MOCOS: variants seen among roughly 807,000 people sequenced by gnomAD.
MOCOS encodes molybdenum cofactor sulfurase, also known as human molybdenum cofactor sulfurase.
In MOCOS, 86 loss-of-function variants were observed where a neutral mutation model predicts 83.6. The observed-to-expected ratio is 1.03, with a 90% confidence interval of 0.86 to 1.23. The LOEUF is 1.23. Among genes scored for constraint, MOCOS ranks in the 50% most tolerant of loss-of-function variants. The pLI is 0.00. For synonymous variants in MOCOS, 445 were observed against 434.7 expected (o/e 1.02, Z -0.29); for missense variants, 1,120 against 1,126.9 (o/e 0.99, Z 0.09).
intron 2 of MOCOS, among the ~76,000 whole-genome samples, chr18:36,197,873 GA>G (rs2091395876): frequency 6.6e-6 from 1 of 152,116 alleles, no homozygotes; most frequent in South Asian, 2.1e-4. Flanking sequence ...TCATTCCCCT[GA>G]AAAGATCCTT....
chr18:36,251,247 A>G lies in MOCOS; in HGVS notation c.2128A>G (p.Asn710Asp), dbSNP rs1832397631. 1 of 1,614,126 alleles carries G rather than the reference A, an allele frequency of 6.2e-7. No homozygotes were observed. Among genetic ancestry groups the G allele is most frequent in the Admixed American group, 1.7e-5 (1 of 60,014 alleles). ...TTGTCATTTGATCAAACAAAGTTCA[A>G]ACTCTCAAAGGAATGCAAAGAAGAA... ...RPCHLIKQSSNSQRNAKKKHG... is the reference protein window; with the variant it reads ...RPCHLIKQSSDSQRNAKKKHG... Residue 710 changes from asparagine to aspartate, a missense_variant, in exon 11 of 15, where the codon AAC becomes GAC. Transcript: ENST00000261326.
chr18:36,236,755 T>G (rs1268731045), intron 9 of MOCOS, among the ~76,000 whole-genome samples: 1 of 142,154 alleles, frequency 7.0e-6, no homozygotes, highest in South Asian at 2.2e-4. Flanking sequence ...TGATTCTTCC[T>G]ACCCATGAGC....
At position 36,195,054 on chromosome 18, in the gene MOCOS, C is replaced by T. The variant is rs372755031; in HGVS notation, c.143-203C>T. On this transcript the variant is annotated intron_variant, in intron 1 of 14. Coordinates refer to ENST00000261326, the MANE Select transcript of MOCOS (RefSeq NM_017947.4). Reference sequence around the variant, plus strand: ...GAAGAGAGCTGATTAATCAGGAGGGCTCTCTCAGTGCTTTAAAAGTCCTTC... The same window carrying T: ...GAAGAGAGCTGATTAATCAGGAGGGTTCTCTCAGTGCTTTAAAAGTCCTTC... 1.4e-3 allele frequency among the ~76,000 whole-genome samples: 216 copies of T among 152,280 alleles called. 2 individuals are homozygous for T. The highest frequency in any genetic ancestry group is 5.0e-3 in the African/African-American group (206 of 41,564).
In MOCOS at chr18:36,202,225, C is replaced by T. The variant is rs76494880; in HGVS notation, c.942-888C>T. 6.2e-3 allele frequency among the ~76,000 whole-genome samples: 946 copies of T among 152,208 alleles called. 6 individuals carry two copies. Among genetic ancestry groups the T allele is most frequent in the African/African-American group, 0.021 (864 of 41,522 alleles). On this transcript the variant is annotated intron_variant, in intron 4 of 14. Coordinates refer to ENST00000261326, the MANE Select transcript of MOCOS (RefSeq NM_017947.4). ...TTCTCAACTTTATTTTATAACTCAGCGAAGTACATCCCTTGACAGAAACAA... is the reference window on the plus strand; with the variant it reads ...TTCTCAACTTTATTTTATAACTCAGTGAAGTACATCCCTTGACAGAAACAA...
rs73946798 is a variant in MOCOS, at chr18:36,250,794, A to C, written c.2040-365A>C. On this transcript the variant is annotated intron_variant, in intron 10 of 14. Transcript: ENST00000261326. ...GAGAGAAGATATTTCAATCAGGCCCATAGTGAACAAATAGGACATATTTCT... is the reference window on the plus strand; with the variant it reads ...GAGAGAAGATATTTCAATCAGGCCCCTAGTGAACAAATAGGACATATTTCT... 5.5e-3 allele frequency among the ~76,000 whole-genome samples: 842 copies of C among 152,336 alleles called. 10 individuals are homozygous for C. Among genetic ancestry groups the C allele is most frequent in the African/African-American group, 0.018 (750 of 41,574 alleles).
At position 36,208,699 on chromosome 18, in the gene MOCOS, T is replaced by C. The variant is rs2091443222; in HGVS notation, c.1218+3423T>C. On this transcript the variant is annotated intron_variant, in intron 6 of 14. Coordinates refer to ENST00000261326, the MANE Select transcript of MOCOS (RefSeq NM_017947.4). ...AGTTCTAGGAGCCTTTGGGCAGAGA[T>C]TATGGGATTTTCCGGGTATAGAATC... 2.0e-5 allele frequency among the ~76,000 whole-genome samples: 3 copies of C among 152,188 alleles called. 1 individual carries two copies. In the South Asian group the frequency reaches 6.2e-4, roughly 31 times the overall value.
chr18:36,209,241 T>C lies in MOCOS; in HGVS notation c.1218+3965T>C, dbSNP rs1026252395. The stretch of plus-strand genomic sequence containing the variant: ...TTGCCCAGACTGGAGTTCAGTGGCA[T>C]GATCTTGGTTCACTGCAGCCTTGAC... On this transcript the variant is annotated intron_variant, in intron 6 of 14. Coordinates refer to ENST00000261326, the MANE Select transcript of MOCOS (RefSeq NM_017947.4). 4.6e-5 allele frequency among the ~76,000 whole-genome samples: 7 copies of C among 152,002 alleles called. No individual in the cohort carries two copies. In the East Asian group the frequency reaches 1.3e-3, roughly 29 times the overall value.
At chr18:36,244,214 G>A (rs925909833) in intron 9 of MOCOS, among the ~76,000 whole-genome samples, 6 of 151,704 alleles carry the variant, frequency 4.0e-5, no homozygotes, top group Non-Finnish European at 5.9e-5. Flanking sequence ...TGTGACCTTA[G>A]ATTATTTATT....
rs753566687 is a variant in MOCOS, at chr18:36,251,142, T to G, written c.2040-17T>G. 12 of 1,609,150 alleles carry G rather than the reference T, an allele frequency of 7.5e-6. No individual in the cohort carries two copies. Among genetic ancestry groups the G allele is most frequent in the African/African-American group, 2.7e-5 (2 of 74,810 alleles). ...ATACTATGTAACAGTTCACTCTTTC[T>G]CTCTCTCTTTTGCCAGAGTAAGTAC... On this transcript the variant is annotated splice_polypyrimidine_tract_variant and intron_variant, in intron 10 of 14. Transcript: ENST00000261326.
In MOCOS at chr18:36,218,068, C is replaced by T. The variant is rs569992289; in HGVS notation, c.1798-1987C>T. ...AGCAGGATGGGGCGACAAGGCTTGG[C>T]ATCTGTGGTAGGTGAACCCAGAGAT... On this transcript the variant is annotated intron_variant, in intron 8 of 14. Transcript: ENST00000261326. Among the ~76,000 whole-genome samples the T allele has an allele frequency of 4.2e-4, 64 of 152,296 alleles. 1 individual carries two copies. The highest frequency in any genetic ancestry group is 1.7e-3 in the South Asian group (8 of 4,822).
At chr18:36,232,889 C>G (rs951219666) in intron 9 of MOCOS, among the ~76,000 whole-genome samples, 1 of 145,588 alleles carries the variant, frequency 6.9e-6, no homozygotes, top group East Asian at 2.0e-4. Flanking sequence ...CACACACACA[C>G]CATTTTCTTT....
intron 9 of MOCOS, among the ~76,000 whole-genome samples, chr18:36,235,867 T>C (rs892547060): frequency 1.3e-5 from 2 of 151,434 alleles, no homozygotes; most frequent in Admixed American, 6.6e-5. Context: ...TGATTTGCAT[T>C]TCTCTGATGG....
At chr18:36,223,876 A>C (rs1378203497) in intron 9 of MOCOS, among the ~76,000 whole-genome samples, 1 of 152,076 alleles carries the variant, frequency 6.6e-6, no homozygotes, top group Non-Finnish European at 1.5e-5. Flanking sequence ...CTGTTGCCCA[A>C]ACTGGAATAG....
At position 36,268,778 on chromosome 18, in the gene MOCOS, A is replaced by G. The variant is rs2144163247; in HGVS notation, c.*93A>G. 2.4e-5 allele frequency: 26 copies of G among 1,084,928 alleles called. No homozygotes were observed. Among genetic ancestry groups the G allele is most frequent in the Non-Finnish European group, 3.6e-5 (26 of 721,824 alleles). 67.2% of individuals were successfully genotyped at this position (1,084,928 alleles called of 1,614,324 possible). ...TTCAGTAGAACTTGATGTTTTGAAT[A>G]AGGAGAGCTCTTTTTCTTTAGAGGC... On this transcript the variant is annotated 3_prime_UTR_variant, in exon 15 of 15. Transcript: ENST00000261326.
chr18:36,213,259 A>G (rs1448357152), intron 6 of MOCOS, 107 bp from the exon 7 acceptor site: 3 of 863,134 alleles, frequency 3.5e-6, no homozygotes, highest in African/African-American at 1.7e-5. Context: ...CCAGGCTTGT[A>G]TCATCATTTT....
chr18:36,230,613 A>G (rs888649060), intron 9 of MOCOS, among the ~76,000 whole-genome samples: 3 of 152,214 alleles, frequency 2.0e-5, no homozygotes, highest in Middle Eastern at 3.2e-3. Flanking sequence ...TCACTGTGCC[A>G]GGCCCATCAG....
chr18:36,224,854 T>C (rs2091509447), intron 9 of MOCOS, among the ~76,000 whole-genome samples: 1 of 152,206 alleles, frequency 6.6e-6, no homozygotes, highest in African/African-American at 2.4e-5. Context: ...TCTTTAAATA[T>C]TTGATAGCAT....
chr18:36,216,005 GTCT>G (rs2091475424), intron 8 of MOCOS, 28 bp downstream of exon 8: 2 of 1,589,120 alleles, frequency 1.3e-6, no homozygotes, highest in South Asian at 1.1e-5. Context: ...AGCACAGAAA[GTCT>G]TCTCTTTGTT....
At chr18:36,214,244 C>CAAAAAAAAA (rs33965546) in intron 7 of MOCOS, among the ~76,000 whole-genome samples, 1 of 91,344 alleles carries the variant, frequency 1.1e-5, no homozygotes, top group Non-Finnish European at 2.1e-5. Flanking sequence ...AACTCAGTCT[C>CAAAAAAAAA]AAAAAAAAAA....
Sources: allele counts gnomAD v4.1 joint callset (sites outside exome capture counted in the v4.1 genomes callset), GRCh38; gene constraint gnomAD v4.1.1; transcripts MANE v1.5; gene names NCBI Gene and HGNC (gene_info 2026-07-23, HGNC 2026-07-21).